Variants in TMEFF2 observed in about 807,000 individuals in gnomAD.
TMEFF2 encodes the protein transmembrane protein with EGF like and two follistatin like domains 2, also known as tomoregulin-2.
A neutral mutation model predicts 53.8 loss-of-function variants in TMEFF2; 28 were observed. The ratio of observed to expected loss-of-function variants is 0.52; its 90% CI spans 0.39 to 0.71. TMEFF2 has a LOEUF of 0.71. Among genes scored for constraint, TMEFF2 ranks in the 30% least tolerant of loss-of-function variants. The probability of loss-of-function intolerance (pLI) is 0.00; values close to 1 mark genes in which losing one functional copy is unlikely to be tolerated. For missense variants in TMEFF2, 353 were observed against 455.2 expected (o/e 0.78, Z 2.04); for synonymous variants, 162 against 166.3 (o/e 0.97, Z 0.20).
intron 7 of TMEFF2, among the ~76,000 whole-genome samples, chr2:191,975,396 T>C (rs928367637): frequency 2.0e-5 from 3 of 149,926 alleles, no homozygotes; most frequent in Non-Finnish European, 4.4e-5. Flanking sequence ...GTAGTAAACA[T>C]GTGTAATCTG....
At chr2:192,022,573 A>G (rs187688074) in intron 5 of TMEFF2, among the ~76,000 whole-genome samples, 10 of 152,304 alleles carry the variant, frequency 6.6e-5, no homozygotes, top group Non-Finnish European at 1.2e-4. Flanking sequence ...CCCTTCTGAT[A>G]GAGGAAGCAA....
At chr2:192,172,602 C>T (rs1259933085) in intron 4 of TMEFF2, among the ~76,000 whole-genome samples, 2 of 151,804 alleles carry the variant, frequency 1.3e-5, no homozygotes, top group Non-Finnish European at 2.9e-5. Context: ...TACAGAAGAT[C>T]AGGAATGGGA....
chr2:191,981,616 C>CTATT (rs1184523046), intron 7 of TMEFF2, among the ~76,000 whole-genome samples: 1 of 152,144 alleles, frequency 6.6e-6, no homozygotes, highest in Non-Finnish European at 1.5e-5. Context: ...GCTTTATTTT[C>CTATT]TATTTGCCAT....
At chr2:191,951,107 T>A (rs1459067261) in intron 9 of TMEFF2, among the ~76,000 whole-genome samples, 1 of 152,050 alleles carries the variant, frequency 6.6e-6, no homozygotes, top group Middle Eastern at 3.2e-3. Context: ...TATATAAAAA[T>A]ATATGAATAT....
chr2:192,030,644 C>A (rs1270237110), intron 5 of TMEFF2: 1 of 151,990 alleles, frequency 6.6e-6, no homozygotes, highest in Non-Finnish European at 1.5e-5. Flanking sequence ...AAAGAGTGAA[C>A]TGATCACTGT....
In TMEFF2 at chr2:192,032,132, T is replaced by C. The variant is rs534624675; in HGVS notation, c.536+25547A>G. ...ATAAGATATATAAGACCAGCAACTA[T>C]AGGAAAGATGATACTTTTCTTGAAG... On this transcript the variant is annotated intron_variant, in intron 5 of 9. Coordinates refer to ENST00000272771, the MANE Select transcript of TMEFF2 (RefSeq NM_016192.4). 6 of 152,282 alleles carry C rather than the reference T, an allele frequency of 3.9e-5. No homozygotes were observed. In the South Asian group the frequency reaches 1.2e-3, roughly 32 times the overall value. The allele number at this position is 152,282 out of a possible 1,614,324, so 9.4% of individuals were successfully genotyped here.
intron 4 of TMEFF2, among the ~76,000 whole-genome samples, chr2:192,075,049 T>G (rs2356756): frequency 2.0e-5 from 3 of 150,706 alleles, no homozygotes; most frequent in Non-Finnish European, 3.0e-5. Flanking sequence ...AACAAAGCTG[T>G]CTTCTAATTT....
At chr2:192,188,833 ATCTAT>A (rs1691384552) in intron 2 of TMEFF2, among the ~76,000 whole-genome samples, 2 of 7,558 alleles carry the variant, frequency 2.6e-4, no homozygotes, top group Non-Finnish European at 4.7e-4. Flanking sequence ...TTTTCTATCT[ATCTAT>A]CTATCTATCT....
At chr2:192,142,901 A>T (rs1303446814) in intron 4 of TMEFF2, among the ~76,000 whole-genome samples, 1 of 152,178 alleles carries the variant, frequency 6.6e-6, no homozygotes, top group Non-Finnish European at 1.5e-5. Context: ...CTCTACATAA[A>T]GCCCTATAAA....
intron 5 of TMEFF2, among the ~76,000 whole-genome samples, chr2:192,025,276 G>C (rs1364490592): frequency 2.0e-5 from 3 of 152,020 alleles, no homozygotes; most frequent in African/African-American, 7.3e-5. Flanking sequence ...ATTATTGATC[G>C]GGGATGATGA....
intron 5 of TMEFF2, among the ~76,000 whole-genome samples, chr2:192,008,640 C>A (rs1230569943): frequency 1.3e-5 from 2 of 152,090 alleles, no homozygotes; most frequent in African/African-American, 4.8e-5. Context: ...ATGAAAACCC[C>A]AGAATAAAAA....
intron 7 of TMEFF2, among the ~76,000 whole-genome samples, chr2:191,997,749 AG>A (rs1686257713): frequency 1.3e-5 from 2 of 151,744 alleles, no homozygotes; most frequent in African/African-American, 4.8e-5. Context: ...ACTACATTTT[AG>A]TTTCAAAATA....
intron 4 of TMEFF2, among the ~76,000 whole-genome samples, chr2:192,116,169 A>G (rs1689399337): frequency 6.6e-6 from 1 of 151,998 alleles, no homozygotes; most frequent in African/African-American, 2.4e-5. Flanking sequence ...AAAAGAAGAA[A>G]ATCTTGCCAT....
intron 5 of TMEFF2, among the ~76,000 whole-genome samples, chr2:192,047,219 C>T (rs556028552): frequency 4.6e-5 from 7 of 152,232 alleles, no homozygotes; most frequent in African/African-American, 1.7e-4. Flanking sequence ...CTGTGCCCGG[C>T]CTGCAGATAC....
intron 3 of TMEFF2, 59 bp from the exon 4 acceptor site, chr2:192,179,753 T>C: frequency 6.8e-7 from 1 of 1,464,176 alleles, no homozygotes; most frequent in South Asian, 1.5e-5. Flanking sequence ...TTATGACTTT[T>C]TAAGCTCAAG....
At chr2:192,060,790 A>G (rs1688026031) in intron 4 of TMEFF2, among the ~76,000 whole-genome samples, 2 of 152,182 alleles carry the variant, frequency 1.3e-5, no homozygotes, top group African/African-American at 4.8e-5. Flanking sequence ...TTAAAGTATT[A>G]TCTTAACCAT....
At chr2:192,090,556 C>T (rs1202953583) in intron 4 of TMEFF2, among the ~76,000 whole-genome samples, 2 of 152,072 alleles carry the variant, frequency 1.3e-5, no homozygotes, top group Non-Finnish European at 2.9e-5. Flanking sequence ...CCTAGTCTCC[C>T]TCCACAATGT....
chr2:191,997,499 C>A (rs1686251876), intron 7 of TMEFF2, among the ~76,000 whole-genome samples: 1 of 151,456 alleles, frequency 6.6e-6, no homozygotes, highest in East Asian at 1.9e-4. Context: ...TGCTTAATAT[C>A]TAAATGAAAA....
chr2:192,128,546 GC>G (rs1166805717), intron 4 of TMEFF2, among the ~76,000 whole-genome samples: 27 of 152,286 alleles, frequency 1.8e-4, no homozygotes, highest in African/African-American at 5.8e-4. Flanking sequence ...GTGAAGTGTT[GC>G]CTTCTTATCG....
Sources: allele counts gnomAD v4.1 joint callset (sites outside exome capture counted in the v4.1 genomes callset), GRCh38; gene constraint gnomAD v4.1.1; transcripts MANE v1.5; gene names NCBI Gene and HGNC (gene_info 2026-07-23, HGNC 2026-07-21).